RTN4: variants seen among roughly 807,000 people sequenced by gnomAD.
The protein encoded by RTN4 is reticulon 4.
Under a neutral mutation model 90.4 loss-of-function variants are expected in RTN4, and 32 were observed. The observed-to-expected ratio is 0.35, with a 90% CI of 0.27 to 0.48. RTN4 has a LOEUF of 0.48. Ranked by LOEUF, RTN4 falls within the 20% of genes least tolerant of loss-of-function variation. RTN4 has a pLI of 0.99. For synonymous variants in RTN4, 629 were observed against 552.5 expected (o/e 1.14, Z -1.94); for missense variants, 1,706 against 1,430.2 (o/e 1.19, Z -3.11).
intron 1 of RTN4, among the ~76,000 whole-genome samples, chr2:55,035,476 C>A (rs1682611933): frequency 6.6e-6 from 1 of 151,800 alleles, no homozygotes; most frequent in Admixed American, 6.6e-5. Flanking sequence ...CAAAGTAATG[C>A]TTAGAGAGAA....
chr2:55,072,683 T>A, intron 2 of RTN4, among the ~76,000 whole-genome samples: 1 of 152,246 alleles, frequency 6.6e-6, no homozygotes, highest in East Asian at 1.9e-4. Context: ...TAGATATAAC[T>A]GTACCACTTA....
intron 3 of RTN4, among the ~76,000 whole-genome samples, chr2:55,002,071 T>C (rs2104751198): frequency 6.6e-6 from 1 of 152,176 alleles, no homozygotes; most frequent in Non-Finnish European, 1.5e-5. Flanking sequence ...ATTTATTTAT[T>C]TATTTAAGAC....
intron 1 of RTN4, among the ~76,000 whole-genome samples, chr2:55,112,342 G>T (rs1055140917): frequency 2.0e-5 from 3 of 152,220 alleles, no homozygotes; most frequent in African/African-American, 7.2e-5. Context: ...GAAACCAGAG[G>T]TCACAGAGCC....
rs1325085864 is a variant in RTN4 at position 55,026,325 on chromosome 2, G to C, written c.1774C>G (p.Pro592Ala). ...AATGATGGGCAAAGCTGTGCTGCAG[G>C]ATAGAGTGACTCTTGCATAACTTCT... ...TSEVMQESLY[P>A]AAQLCPSFEE... Residue 592 changes from proline (P) to alanine (A), a missense_variant, in exon 3 of 9, where the codon CCT (proline) becomes GCT (alanine). Pro to Ala is a conservative substitution (Grantham distance 27, BLOSUM62 -1). Transcript: ENST00000337526. 6.2e-7 allele frequency: 1 copy of C among 1,613,838 alleles called. No individual in the cohort carries two copies. The highest frequency in any genetic ancestry group is 1.3e-5 in the African/African-American group (1 of 74,910).
chr2:54,982,165 A>C (rs902861843), intron 5 of RTN4, among the ~76,000 whole-genome samples: 1 of 152,012 alleles, frequency 6.6e-6, no homozygotes, highest in Non-Finnish European at 1.5e-5. Flanking sequence ...CATGTTGGCC[A>C]GGCTAGTCTC....
rs1264425838 is a variant in RTN4, at chr2:55,027,442, A to G, written c.657T>C (p.Ala219=). 6.2e-7 allele frequency: 1 copy of G among 1,612,660 alleles called. No individual in the cohort carries two copies. Among genetic ancestry groups the G allele is most frequent in the Non-Finnish European group, 8.5e-7 (1 of 1,179,390 alleles). ...LKEQPGNTIS[A]GQEDFPSVLL... is the part of the protein sequence containing the mutation. ...GGACAGATGGGAAATCCTCTTGACCAGCCGAAATAGTGTTACCTGGCTGCT... is the reference window on the plus strand; with the variant it reads ...GGACAGATGGGAAATCCTCTTGACCGGCCGAAATAGTGTTACCTGGCTGCT... The change falls in exon 3 of 9, where the codon GCT becomes GCC. Residue 219 remains alanine (A), a synonymous_variant. Transcript: ENST00000337526.
chr2:55,008,225 A>G (rs1180469498), intron 3 of RTN4, among the ~76,000 whole-genome samples: 5 of 151,420 alleles, frequency 3.3e-5, no homozygotes, highest in Middle Eastern at 3.4e-3. Context: ...ATCTGTCACT[A>G]TGCTATACTG....
At chr2:54,997,088 C>T (rs976171324) in intron 3 of RTN4, among the ~76,000 whole-genome samples, 20 of 152,128 alleles carry the variant, frequency 1.3e-4, no homozygotes, top group African/African-American at 3.6e-4. Flanking sequence ...AGATACCACA[C>T]AGAACGAGAG....
intron 1 of RTN4, among the ~76,000 whole-genome samples, chr2:55,097,631 C>T (rs1667768601): frequency 6.6e-6 from 1 of 152,086 alleles, no homozygotes; most frequent in African/African-American, 2.4e-5. Context: ...GCTGCAGACG[C>T]CACCCAGGCC....
intron 3 of RTN4, among the ~76,000 whole-genome samples, chr2:54,993,074 GGAAAA>G (rs1164950239): frequency 1.3e-5 from 1 of 79,002 alleles, no homozygotes; most frequent in Non-Finnish European, 3.1e-5. Context: ...ACTCCATCTC[GGAAAA>G]AAAAAAAAAA....
intron 2 of RTN4, among the ~76,000 whole-genome samples, chr2:55,074,557 A>G (rs1668570201): frequency 6.6e-6 from 1 of 151,652 alleles, no homozygotes. Context: ...AGAAAGAGGG[A>G]ATCCTCCCTA....
Position 54,973,628 on chromosome 2 carries a change from G to A in RTN4, c.3478-7C>T. On this transcript the variant is annotated splice_region_variant and splice_polypyrimidine_tract_variant and intron_variant, in intron 7 of 8. Transcript: ENST00000337526. Reference sequence around the variant, plus strand: ...GATAATGATCTATCTGTGCCTGAAAGAGAGGTATAAAGGAATTATTACCGT... The same window carrying A: ...GATAATGATCTATCTGTGCCTGAAAAAGAGGTATAAAGGAATTATTACCGT... 1 of 1,605,338 alleles carries A rather than the reference G, an allele frequency of 6.2e-7. No individual in the cohort carries two copies.
rs781392565 is a variant in RTN4, at chr2:55,028,213, G to C, written c.564C>G (p.Thr188=). 1 of 1,612,478 alleles carries C rather than the reference G, an allele frequency of 6.2e-7. No individual in the cohort carries two copies. The change falls in exon 2 of 9, where the codon ACC becomes ACG. Residue 188 remains threonine, a synonymous_variant. Transcript: ENST00000337526. Reference sequence around the variant, plus strand: ...CAGATGCAGCAGGAAGAGCAAAAAGGGTCTCATCTGAAAAACAAATAGAAT... The same window carrying C: ...CAGATGCAGCAGGAAGAGCAAAAAGCGTCTCATCTGAAAAACAAATAGAAT... ...RRGSSGSVDE[T]LFALPAASEP...
At chr2:55,056,002 G>GTA (rs1418552040) in intron 2 of RTN4, among the ~76,000 whole-genome samples, 2 of 138,436 alleles carry the variant, frequency 1.4e-5, no homozygotes, top group South Asian at 2.3e-4. Context: ...GTGTGTGTGT[G>GTA]TGTATATATA....
In RTN4 at chr2:55,004,312, T is replaced by C. The variant is rs563650435; in HGVS notation, c.3014-16614A>G. On this transcript the variant is annotated intron_variant, in intron 3 of 8. Coordinates refer to ENST00000337526, the MANE Select transcript of RTN4 (RefSeq NM_020532.5). ...TGGGCCGTTTTAGCTTATATACTTT[T>C]CAATCTTTGGTTATTCAAGTGCAAA... Among the ~76,000 whole-genome samples the C allele has an allele frequency of 2.0e-5, 3 of 152,310 alleles. No individual in the cohort carries two copies. In the East Asian group the frequency reaches 5.8e-4, roughly 29 times the overall value.
chr2:54,973,219 G>T (rs201227870), intron 8 of RTN4, 21 bp from the exon 9 acceptor site: 1 of 1,590,608 alleles, frequency 6.3e-7, no homozygotes, highest in Non-Finnish European at 8.6e-7. Flanking sequence ...AAAAGTCAAT[G>T]TAAATATCAG....
intron 3 of RTN4, among the ~76,000 whole-genome samples, chr2:55,020,756 T>A (rs1466995458): frequency 6.6e-6 from 1 of 152,182 alleles, no homozygotes; most frequent in Non-Finnish European, 1.5e-5. Context: ...ACACCTGTAA[T>A]CCCAGCACTT....
At chr2:55,034,388 C>A (rs1056234576) in intron 1 of RTN4, among the ~76,000 whole-genome samples, 1 of 151,934 alleles carries the variant, frequency 6.6e-6, no homozygotes, top group Admixed American at 6.6e-5. Context: ...TATAGTCCCA[C>A]CTACTTGGGA....
intron 1 of RTN4, among the ~76,000 whole-genome samples, chr2:55,091,633 G>A (rs894752095): frequency 6.6e-6 from 1 of 152,124 alleles, no homozygotes; most frequent in Non-Finnish European, 1.5e-5. Context: ...TTTGGGACCT[G>A]CCTGGGCAAT....
Sources: gnomAD v4.1 joint callset for allele counts (sites outside exome capture counted in the v4.1 genomes callset) on GRCh38, gnomAD v4.1.1 for gene constraint, MANE v1.5 for transcripts, NCBI Gene and HGNC (gene_info 2026-07-23, HGNC 2026-07-21) for gene names.